RYR2: variants seen among roughly 807,000 people sequenced by gnomAD.
RYR2 encodes the protein cardiac muscle ryanodine receptor-calcium release channel.
RYR2 carries 227 observed loss-of-function variants against 601.1 expected under a neutral mutation model. The observed-to-expected ratio is 0.38, with a 90% CI of 0.34 to 0.42. RYR2 has a LOEUF of 0.42. RYR2 is among the 10% of genes least tolerant of loss of function. The pLI is 1.00. For missense variants in RYR2, 4,646 were observed against 6,156.5 expected, an observed-to-expected ratio of 0.75 and a Z score of 8.21; for synonymous variants, 2,223 against 2,175.1, an observed-to-expected ratio of 1.02 and a Z score of -0.61.
chr1:237,252,327 C>G (rs1332986030), intron 1 of RYR2, among the ~76,000 whole-genome samples: 1 of 152,056 alleles, frequency 6.6e-6, no homozygotes, highest in African/African-American at 2.4e-5. Flanking sequence ...GTTGGCTGCT[C>G]TTTCCTGCCT....
chr1:237,641,299 C>T (rs747646010), intron 47 of RYR2, among the ~76,000 whole-genome samples: 1 of 152,106 alleles, frequency 6.6e-6, no homozygotes, highest in Non-Finnish European at 1.5e-5. Context: ...TTTCTCTATG[C>T]AATTTCCTCT....
At chr1:237,629,727 C>T (rs1251849958) in intron 41 of RYR2, among the ~76,000 whole-genome samples, 1 of 151,764 alleles carries the variant, frequency 6.6e-6, no homozygotes. Flanking sequence ...AAATACAATC[C>T]TGAGGGAAGA....
intron 10 of RYR2, among the ~76,000 whole-genome samples, chr1:237,412,053 T>G (rs544262040): frequency 6.6e-6 from 1 of 152,270 alleles, no homozygotes; most frequent in African/African-American, 2.4e-5. Flanking sequence ...GATTTGTGCT[T>G]TTATTAATAT....
At chr1:237,436,454 C>CT (rs551140501) in intron 12 of RYR2, among the ~76,000 whole-genome samples, 968 of 48,688 alleles carry the variant, frequency 0.02, 22 homozygotes, top group Middle Eastern at 0.05. Flanking sequence ...TGTGATTTTC[C>CT]TTTTTTTTTT....
chr1:237,633,459 G>C lies in RYR2; in HGVS notation c.6556-119G>C, dbSNP rs10925478. The C allele has an allele frequency of 0.18, 209,915 of 1,179,792 alleles. 21,365 individuals are homozygous for C. The highest frequency in any genetic ancestry group is 0.4 in the East Asian group (16,632 of 41,566). 73.1% of individuals were successfully genotyped at this position (1,179,792 alleles called of 1,614,324 possible). On this transcript the variant is annotated intron_variant, in intron 42 of 104. Transcript: ENST00000366574. The stretch of plus-strand genomic sequence containing the variant: ...GCACATTTGAAGATCTTTGGTATCT[G>C]AAGTTTGGCACACACATGGACACAC...
intron 61 of RYR2, among the ~76,000 whole-genome samples, 155 bp from the exon 62 acceptor site, chr1:237,680,301 T>A (rs1490821161): frequency 6.6e-6 from 1 of 151,754 alleles, no homozygotes; most frequent in Admixed American, 6.6e-5. Flanking sequence ...GACGGTAGAG[T>A]GAGATTTAAG....
At chr1:237,333,179 A>G (rs1221141847) in intron 3 of RYR2, among the ~76,000 whole-genome samples, 1 of 152,374 alleles carries the variant, frequency 6.6e-6, no homozygotes, top group Non-Finnish European at 1.5e-5. Flanking sequence ...TGAATTAGGA[A>G]GTATAATTTG....
chr1:237,329,590 C>T (rs185010597), intron 2 of RYR2, among the ~76,000 whole-genome samples: 263 of 150,842 alleles, frequency 1.7e-3, no homozygotes, highest in Non-Finnish European at 3.2e-3. Context: ...TGCAGTGAGC[C>T]GAGATCGCAC....
intron 60 of RYR2, among the ~76,000 whole-genome samples, chr1:237,676,741 A>T (rs1275911266): frequency 6.6e-6 from 1 of 152,204 alleles, no homozygotes; most frequent in Admixed American, 6.5e-5. Flanking sequence ...TAATTGTGGT[A>T]GTAAAAATAT....
At chr1:237,204,514 A>AT (rs376820592) in intron 1 of RYR2, among the ~76,000 whole-genome samples, 34,941 of 151,712 alleles carry the variant, frequency 0.23, 4,747 homozygotes, top group East Asian at 0.37. Context: ...AAAAAAAAAA[A>AT]AAAAGAAAGA....
chr1:237,122,314 G>A (rs1670883537), intron 1 of RYR2, among the ~76,000 whole-genome samples: 1 of 152,194 alleles, frequency 6.6e-6, no homozygotes, highest in Non-Finnish European at 1.5e-5. Context: ...GAAGTACAAT[G>A]TTTCCTTTGC....
chr1:237,216,589 A>T (rs1313696432), intron 1 of RYR2, among the ~76,000 whole-genome samples: 1 of 151,856 alleles, frequency 6.6e-6, no homozygotes, highest in Non-Finnish European at 1.5e-5. Context: ...AATACAAAAA[A>T]ATTAGCCGGG....
chr1:237,496,278 C>G (rs1664063293), intron 19 of RYR2, among the ~76,000 whole-genome samples: 2 of 152,108 alleles, frequency 1.3e-5, no homozygotes, highest in Admixed American at 6.6e-5. Flanking sequence ...CGTGGTGGCA[C>G]TCGCCTTTAG....
chr1:237,148,553 T>TATATACACAC (rs71178397), intron 1 of RYR2, among the ~76,000 whole-genome samples: 3 of 105,698 alleles, frequency 2.8e-5, no homozygotes, highest in Admixed American at 9.7e-5. Context: ...TATATATATA[T>TATATACACAC]ACACACACAC....
intron 14 of RYR2, among the ~76,000 whole-genome samples, chr1:237,452,296 A>G (rs1658275499): frequency 1.5e-5 from 2 of 137,856 alleles, no homozygotes; most frequent in Non-Finnish European, 3.1e-5. Context: ...TATATAATTA[A>G]TGGCATATAT....
intron 38 of RYR2, among the ~76,000 whole-genome samples, chr1:237,621,285 C>G (rs2148633847): frequency 6.6e-6 from 1 of 152,274 alleles, no homozygotes; most frequent in Admixed American, 6.5e-5. Flanking sequence ...ATTTCTAACA[C>G]TCAATGCTTA....
chr1:237,624,205 A>G (rs1679402097), intron 39 of RYR2, among the ~76,000 whole-genome samples: 1 of 152,284 alleles, frequency 6.6e-6, no homozygotes, highest in South Asian at 2.1e-4. Flanking sequence ...GGTTTAGTCA[A>G]TGGGTACAAA....
intron 27 of RYR2, among the ~76,000 whole-genome samples, chr1:237,556,614 A>G (rs1474556920): frequency 1.3e-5 from 2 of 151,356 alleles, no homozygotes; most frequent in Non-Finnish European, 2.9e-5. Flanking sequence ...TGGCCACTCT[A>G]TTTTATTTTA....
chr1:237,705,799 T>A (rs1308213916), intron 67 of RYR2, among the ~76,000 whole-genome samples: 1 of 152,214 alleles, frequency 6.6e-6, no homozygotes, highest in African/African-American at 2.4e-5. Context: ...TTAGTTGTGC[T>A]TGAGACATCC....
Sources: allele counts gnomAD v4.1 joint callset (sites outside exome capture counted in the v4.1 genomes callset), GRCh38; gene constraint gnomAD v4.1.1; transcripts MANE v1.5; gene names NCBI Gene and HGNC (gene_info 2026-07-23, HGNC 2026-07-21).